Variants in ALG9 observed in about 807,000 individuals in gnomAD.
ALG9 encodes the protein ALG9 alpha-1,2-mannosyltransferase.
In ALG9, 55 loss-of-function variants were observed where a neutral mutation model predicts 81.8. That is an observed-to-expected ratio of 0.67 (90% CI 0.54 to 0.84). ALG9 has a LOEUF of 0.84. Among genes scored for constraint, ALG9 ranks in the 40% least tolerant of loss-of-function variants. The pLI is 0.00. For synonymous variants in ALG9, 278 were observed against 274.3 expected (o/e 1.01, Z -0.13); for missense variants, 629 against 745.0 (o/e 0.84, Z 1.81).
At position 111,838,863 on chromosome 11, in the gene ALG9, T is replaced by C. The variant is rs555614581; in HGVS notation, c.1174-464A>G. 2.0e-5 allele frequency among the ~76,000 whole-genome samples: 3 copies of C among 152,280 alleles called. No homozygotes were observed. The South Asian group carries it at 6.2e-4, about 32-fold the overall frequency. The stretch of plus-strand genomic sequence containing the variant: ...AACACTAGGAACATGCTCTTAATTA[T>C]ATGCTGAATGACTTTACAAACTAGA... On this transcript the variant is annotated intron_variant, in intron 10 of 14. Transcript: ENST00000616540.
chr11:111,792,734 AAGGTGAGAATTACAT>A (rs1266917663), intron 14 of ALG9, among the ~76,000 whole-genome samples: 27 of 152,378 alleles, frequency 1.8e-4, no homozygotes, highest in Admixed American at 1.8e-3. Flanking sequence ...AACTACAAAA[AAGGTGAGAATTACAT>A]AGAAGGAAAA....
intron 13 of ALG9, among the ~76,000 whole-genome samples, chr11:111,811,312 G>A (rs1464936500): frequency 6.6e-6 from 1 of 152,182 alleles, no homozygotes; most frequent in Non-Finnish European, 1.5e-5. Context: ...GGAGGCCCAG[G>A]TGGACAGATC....
At position 111,867,019 on chromosome 11, in the gene ALG9, C is replaced by T. The variant is rs371149329; in HGVS notation, c.405+1583G>A. On this transcript the variant is annotated intron_variant, in intron 3 of 14. Transcript: ENST00000616540. ...CTGAGGCAGGAGAATCACTTGAATC[C>T]GGGAAACGGAGGTTGCTGTGAGCCG... is the stretch of plus-strand genomic sequence containing the variant. Among the ~76,000 whole-genome samples, 4 of 152,242 alleles carry T rather than the reference C, an allele frequency of 2.6e-5. No individual in the cohort carries two copies. The South Asian group carries it at 8.3e-4, about 32-fold the overall frequency.
downstream of ALG9, among the ~76,000 whole-genome samples, chr11:111,781,563 CA>C (rs1419032129): frequency 6.6e-6 from 1 of 152,202 alleles, no homozygotes; most frequent in African/African-American, 2.4e-5. Context: ...ATTCTCATTC[CA>C]AAAACTTAAG....
chr11:111,796,108 A>G (rs1188288048), intron 14 of ALG9, among the ~76,000 whole-genome samples: 1 of 152,268 alleles, frequency 6.6e-6, no homozygotes, highest in Non-Finnish European at 1.5e-5. Flanking sequence ...AACAATGAGT[A>G]TGTCTTAAAA....
intron 9 of ALG9, 90 bp from the exon 10 acceptor site, chr11:111,840,899 A>C: frequency 6.8e-7 from 1 of 1,463,768 alleles, no homozygotes; most frequent in Non-Finnish European, 9.5e-7. Context: ...CAAATTTAGG[A>C]GTATGCCCTA....
intron 14 of ALG9, among the ~76,000 whole-genome samples, chr11:111,806,361 A>G (rs2136377635): frequency 6.6e-6 from 1 of 152,078 alleles, no homozygotes. Context: ...ACCCCCACCC[A>G]CTTCACCCAA....
intron 8 of ALG9, chr11:111,845,044 T>G (rs929414112): frequency 1.0e-5 from 3 of 295,618 alleles, no homozygotes; most frequent in Non-Finnish European, 2.0e-5. Context: ...CCAAATAATT[T>G]AAATCGCTTT....
intron 4 of ALG9, chr11:111,864,460 G>A (rs1485578303): frequency 5.3e-6 from 4 of 748,570 alleles, no homozygotes; most frequent in East Asian, 5.0e-5. Flanking sequence ...CTTTTTTGTA[G>A]TAAAATGAAT....
At chr11:111,787,650 G>A (rs1387725913) in intron 14 of ALG9, among the ~76,000 whole-genome samples, 2 of 151,576 alleles carry the variant, frequency 1.3e-5, no homozygotes, top group Non-Finnish European at 2.9e-5. Context: ...AGTAGAGACG[G>A]GGTTTCACCG....
the ALG9 span, among the ~76,000 whole-genome samples, chr11:111,774,779 C>T: frequency 2.0e-5 from 3 of 152,180 alleles, no homozygotes; most frequent in Non-Finnish European, 4.4e-5. Context: ...TACCATACTA[C>T]AGACTGTGCT....
chr11:111,778,295 G>T (rs904781610), downstream of ALG9: 1 of 152,174 alleles, frequency 6.6e-6, no homozygotes, highest in Non-Finnish European at 1.5e-5. Flanking sequence ...TCAATCAAAT[G>T]ACACTGAATA....
Position 111,867,263 on chromosome 11 carries a change from A to G in ALG9, c.405+1339T>C, listed in dbSNP as rs9919561. Among the ~76,000 whole-genome samples the G allele has an allele frequency of 5.3e-5, 8 of 152,240 alleles. 1 individual carries two copies. Among genetic ancestry groups the G allele is most frequent in the Admixed American group, 1.3e-4 (2 of 15,286 alleles). ...TCTGAAAACCTTGCAGTGGCTTTAC[A>G]TAACAGACTTGGGGGGAAAAGAACA... On this transcript the variant is annotated intron_variant, in intron 3 of 14. Transcript: ENST00000616540.
chr11:111,789,997 C>T (rs769569803), intron 14 of ALG9, among the ~76,000 whole-genome samples: 1 of 151,480 alleles, frequency 6.6e-6, no homozygotes, highest in Non-Finnish European at 1.5e-5. Flanking sequence ...ATTTCCTGAT[C>T]ACTAGGTGTG....
In ALG9 at chr11:111,799,358, G is replaced by A. The variant is rs73568459; in HGVS notation, c.1733+10285C>T. 6.2e-3 allele frequency among the ~76,000 whole-genome samples: 944 copies of A among 151,954 alleles called. 13 individuals carry two copies. The highest frequency in any genetic ancestry group is 0.022 in the African/African-American group (921 of 41,452). On this transcript the variant is annotated intron_variant, in intron 14 of 14. Coordinates refer to ENST00000616540, the MANE Select transcript of ALG9 (RefSeq NM_024740.2). ...GATGGGGTTTCACTATGGCCAGGAT[G>A]GTCTCAATCTCTTCACCTATGATCC...
the ALG9 span, among the ~76,000 whole-genome samples, chr11:111,773,067 T>A: frequency 6.6e-6 from 1 of 151,156 alleles, no homozygotes; most frequent in African/African-American, 2.4e-5. Context: ...TGAAACTCCC[T>A]CTCTACTTAA....
chr11:111,804,386 T>C (rs571445111), intron 14 of ALG9, among the ~76,000 whole-genome samples: 1 of 152,082 alleles, frequency 6.6e-6, no homozygotes, highest in African/African-American at 2.4e-5. Context: ...GCAAAAGACA[T>C]ATCAAATAAA....
chr11:111,823,751 G>A (rs1213443116), intron 13 of ALG9, among the ~76,000 whole-genome samples: 1 of 152,196 alleles, frequency 6.6e-6, no homozygotes, highest in East Asian at 1.9e-4. Flanking sequence ...GATCTATCCT[G>A]AAGTTAGGTG....
Position 111,870,001 on chromosome 11 carries a change from G to A in ALG9, c.270+231C>T, listed in dbSNP as rs190845871. 5.4e-3 allele frequency among the ~76,000 whole-genome samples: 826 copies of A among 152,028 alleles called. 3 individuals carry two copies. The highest frequency in any genetic ancestry group is 0.019 in the African/African-American group (773 of 41,442). On this transcript the variant is annotated intron_variant, in intron 2 of 14. Transcript: ENST00000616540. The stretch of plus-strand genomic sequence containing the variant: ...TAATTTTTGTATTTTTAGTAGAGTC[G>A]GGGTTTCACCATGTTGGTCAGGCTG...
Sources: gnomAD v4.1 joint callset for allele counts (sites outside exome capture counted in the v4.1 genomes callset) on GRCh38, gnomAD v4.1.1 for gene constraint, MANE v1.5 for transcripts, NCBI Gene and HGNC (gene_info 2026-07-23, HGNC 2026-07-21) for gene names.